The following STRADA variants were observed in gnomAD, a reference collection of about 807,000 sequenced individuals.
STRADA encodes STE20 related adaptor alpha, also known as STE20-related kinase adapter protein alpha.
STRADA carries 26 observed loss-of-function variants against 55.0 expected under a neutral mutation model. That is an observed-to-expected ratio of 0.47 (90% CI 0.35 to 0.66). The LOEUF (loss-of-function observed/expected upper bound fraction) is 0.66, where lower values mean the gene tolerates loss of function less well. STRADA is among the 30% of genes least tolerant of loss of function. STRADA has a pLI of 0.01. For missense variants in STRADA, 443 were observed against 549.7 expected, an observed-to-expected ratio of 0.81 and a Z score of 1.94; for synonymous variants, 197 against 210.9, an observed-to-expected ratio of 0.93 and a Z score of 0.57.
chr17:63,739,911 T>C (rs1474173719), intron 1 of STRADA, among the ~76,000 whole-genome samples: 1 of 144,912 alleles, frequency 6.9e-6, no homozygotes, highest in East Asian at 2.0e-4. Flanking sequence ...GGAGATGGAA[T>C]CGGTGGCAGA....
intron 1 of STRADA, among the ~76,000 whole-genome samples, chr17:63,735,196 T>C (rs1179266843): frequency 1.3e-5 from 2 of 152,290 alleles, no homozygotes; most frequent in Admixed American, 6.5e-5. Context: ...AATGTTACTA[T>C]ACAAATCGTA....
intron 5 of STRADA, 42 bp downstream of exon 5, chr17:63,713,964 T>C (rs1266732364): frequency 6.5e-7 from 1 of 1,542,168 alleles, no homozygotes; most frequent in Admixed American, 1.7e-5. Context: ...CAGCAGCCCC[T>C]GGAGCAGAAA....
intron 9 of STRADA, 73 bp from the exon 10 acceptor site, chr17:63,706,812 G>T: frequency 8.3e-7 from 1 of 1,206,038 alleles, no homozygotes; most frequent in Non-Finnish European, 1.2e-6. Context: ...GAACTAAAGA[G>T]AGGAAAAGGA....
At position 63,713,484 on chromosome 17, in the gene STRADA, G is replaced by A. The variant is rs1363187361; in HGVS notation, c.270C>T (p.Tyr90=). ...EDLMTVNLAR[Y]KPTGEYVTVR... is the part of the protein sequence containing the mutation. ...CAGTCACGTACTCTCCTGTTGGTTT[G>A]TACCTTGCTAGATTCACAGTCATCA... is the stretch of plus-strand genomic sequence containing the variant. The change falls in exon 6 of 13, where the codon TAC becomes TAT. Residue 90 remains tyrosine (Y), a synonymous_variant. Transcript: ENST00000336174. 14 of 1,614,098 alleles carry A rather than the reference G, an allele frequency of 8.7e-6. No individual in the cohort carries two copies. Among genetic ancestry groups the A allele is most frequent in the Non-Finnish European group, 1.2e-5 (14 of 1,180,006 alleles).
chr17:63,718,398 ATCGGTTTAG>A (rs916361375), intron 4 of STRADA, among the ~76,000 whole-genome samples: 9 of 152,240 alleles, frequency 5.9e-5, no homozygotes, highest in African/African-American at 1.9e-4. Flanking sequence ...ACAACTCTCC[ATCGGTTTAG>A]AATTCACAAC....
chr17:63,731,928 AATCTCG>A (rs2038087336), intron 1 of STRADA, among the ~76,000 whole-genome samples: 1 of 152,162 alleles, frequency 6.6e-6, no homozygotes, highest in East Asian at 1.9e-4. Flanking sequence ...GCAGTGGCAC[AATCTCG>A]GTTCACAGCA....
chr17:63,707,240 C>T lies in STRADA; in HGVS notation c.753+7G>A, dbSNP rs149298307. 1.2e-6 allele frequency: 2 copies of T among 1,614,060 alleles called. No individual in the cohort carries two copies. The highest frequency in any genetic ancestry group is 1.7e-6 in the Non-Finnish European group (2 of 1,179,976). The stretch of plus-strand genomic sequence containing the variant: ...GTAGGGGAGCTCCTCTGGGCCCACA[C>T]ACAGACCTGCTGGAGGACCTCGGGG... On this transcript the variant is annotated splice_region_variant and intron_variant, in intron 9 of 12. Coordinates refer to ENST00000336174, the MANE Select transcript of STRADA (RefSeq NM_001003787.4).
At chr17:63,736,902 A>G (rs903979480) in intron 1 of STRADA, among the ~76,000 whole-genome samples, 4 of 146,866 alleles carry the variant, frequency 2.7e-5, no homozygotes, top group African/African-American at 5.1e-5. Flanking sequence ...AATTAAAACT[A>G]TATTTTAAAA....
At chr17:63,726,926 G>A (rs754356144) in intron 2 of STRADA, 1 of 575,308 alleles carries the variant, frequency 1.7e-6, no homozygotes, top group Non-Finnish European at 3.1e-6. Context: ...TGACAGATGA[G>A]AAATAGATAG....
intron 1 of STRADA, among the ~76,000 whole-genome samples, chr17:63,739,764 G>GTACATATGTACATATAT (rs2038732522): frequency 8.9e-6 from 1 of 112,408 alleles, no homozygotes; most frequent in African/African-American, 3.9e-5. Context: ...ATATATTTAT[G>GTACATATGTACATATAT]TATATATGTA....
At chr17:63,734,219 G>A (rs2038261388) in intron 1 of STRADA, among the ~76,000 whole-genome samples, 1 of 152,162 alleles carries the variant, frequency 6.6e-6, no homozygotes, top group South Asian at 2.1e-4. Flanking sequence ...AACTGTACTT[G>A]AATAGCCTTT....
At chr17:63,737,030 C>T (rs184078359) in intron 1 of STRADA, among the ~76,000 whole-genome samples, 393 of 151,880 alleles carry the variant, frequency 2.6e-3, no homozygotes, top group Non-Finnish European at 4.3e-3. Context: ...GGGCAGATCA[C>T]CTGAGGTCAG....
intron 3 of STRADA, chr17:63,723,704 C>T (rs181937308): frequency 5.9e-6 from 1 of 169,772 alleles, no homozygotes; most frequent in African/African-American, 2.4e-5. Flanking sequence ...TATATAGTTA[C>T]AGAGATGGTT....
intron 11 of STRADA, 102 bp downstream of exon 11, chr17:63,704,239 C>T (rs1300721412): frequency 6.4e-7 from 1 of 1,555,904 alleles, no homozygotes; most frequent in East Asian, 2.3e-5. Context: ...GCTCCAGATT[C>T]CCCTGCAGAA....
At chr17:63,732,519 G>C (rs966499736) in intron 1 of STRADA, among the ~76,000 whole-genome samples, 1 of 152,020 alleles carries the variant, frequency 6.6e-6, no homozygotes, top group Admixed American at 6.6e-5. Context: ...GTGTAGGCCG[G>C]GCGTGGTGGT....
intron 3 of STRADA, among the ~76,000 whole-genome samples, chr17:63,724,715 T>C (rs932170462): frequency 6.6e-6 from 1 of 152,056 alleles, no homozygotes. Context: ...CCCAGCCTCA[T>C]TGTTTACTTT....
In STRADA at chr17:63,704,536, G is replaced by T. The variant is rs761948281; in HGVS notation, c.905C>A (p.Thr302Asn). The T allele has an allele frequency of 1.9e-6, 3 of 1,567,856 alleles. No individual in the cohort carries two copies. The highest frequency in any genetic ancestry group is 2.8e-5 in the African/African-American group (2 of 72,688). Residue 302 changes from threonine (T) to asparagine (N), a missense_variant, in exon 11 of 13, where the codon ACC becomes AAC. Thr to Asn is a moderately conservative substitution (Grantham distance 65). Coordinates refer to ENST00000336174, the MANE Select transcript of STRADA (RefSeq NM_001003787.4). ...LNGTVPCLLD[T>N]STIPAEELTM... ...CAGCTCCTCAGCGGGGATGGTGCTGGTATCCAACAGGCAGGGCACTGTGCC... is the reference window on the plus strand; with the variant it reads ...CAGCTCCTCAGCGGGGATGGTGCTGTTATCCAACAGGCAGGGCACTGTGCC...
rs143145051 is a variant in STRADA at position 63,706,623 on chromosome 17, C to T, written c.858+12G>A. 7.5e-5 allele frequency: 121 copies of T among 1,605,262 alleles called. No individual in the cohort carries two copies. The African/African-American group carries it at 1.3e-3, about 17-fold the overall frequency. On this transcript the variant is annotated intron_variant, in intron 10 of 12. Transcript: ENST00000336174. Reference sequence around the variant, plus strand: ...AGCAGGCAAGAAGGAAACCGATGGGCGGCAGGCTTACCTGGGTGGCAGGCA... The same window carrying T: ...AGCAGGCAAGAAGGAAACCGATGGGTGGCAGGCTTACCTGGGTGGCAGGCA...
At position 63,729,797 on chromosome 17, in the gene STRADA, C is replaced by T. The variant is rs868458500; in HGVS notation, c.-44-1384G>A. Among the ~76,000 whole-genome samples, 3 of 89,464 alleles carry T rather than the reference C, an allele frequency of 3.4e-5. No homozygotes were observed. The South Asian group carries it at 1.3e-3, about 38-fold the overall frequency. 58.7% of individuals were successfully genotyped at this position (89,464 alleles called of 152,430 possible). A position where few individuals can be genotyped will look rare whatever the true frequency, so the allele number is the denominator to read the frequency against. ...GAGCTAGACTCCATCTCAAAACAAACCAAAAAAAACAACAAAAAAAAAACC... is the reference window on the plus strand; with the variant it reads ...GAGCTAGACTCCATCTCAAAACAAATCAAAAAAAACAACAAAAAAAAAACC... On this transcript the variant is annotated intron_variant, in intron 1 of 12. Coordinates refer to ENST00000336174, the MANE Select transcript of STRADA (RefSeq NM_001003787.4).
Sources: gnomAD v4.1 joint callset for allele counts (sites outside exome capture counted in the v4.1 genomes callset) on GRCh38, gnomAD v4.1.1 for gene constraint, MANE v1.5 for transcripts, NCBI Gene and HGNC (gene_info 2026-07-23, HGNC 2026-07-21) for gene names.